Variants in NRSN1 observed in about 807,000 individuals in gnomAD.
NRSN1 encodes the protein neurensin-1.
In NRSN1, 14 loss-of-function variants were observed where a neutral mutation model predicts 17.3. The ratio of observed to expected loss-of-function variants is 0.81; its 90% confidence interval spans 0.54 to 1.27. The LOEUF (loss-of-function observed/expected upper bound fraction) is 1.27. Ranked by LOEUF, NRSN1 falls within the 50% of genes most tolerant of loss-of-function variation. The pLI, the probability that NRSN1 is intolerant of heterozygous loss-of-function variation, is 0.00. For synonymous variants in NRSN1, 79 were observed against 94.2 expected, an observed-to-expected ratio of 0.84 and a Z score of 0.93; for missense variants, 209 against 235.9, an observed-to-expected ratio of 0.89 and a Z score of 0.75.
At chr6:24,135,543 G>A (rs190919837) in intron 3 of NRSN1, among the ~76,000 whole-genome samples, 152 of 152,284 alleles carry the variant, frequency 1.0e-3, no homozygotes, top group African/African-American at 3.5e-3. Flanking sequence ...TTTTTACTTC[G>A]AGAGACATGG....
chr6:24,138,768 T>C (rs552966948), intron 3 of NRSN1, among the ~76,000 whole-genome samples: 11 of 152,176 alleles, frequency 7.2e-5, no homozygotes, highest in South Asian at 2.1e-4. Flanking sequence ...AAGTCCTTGT[T>C]TTTTCCTTCA....
chr6:24,134,553 A>G (rs754919893), intron 3 of NRSN1, 37 bp downstream of exon 3: 1 of 1,553,342 alleles, frequency 6.4e-7, no homozygotes, highest in Non-Finnish European at 8.9e-7. Context: ...AGGGAATGGA[A>G]AAATTATTGG....
In NRSN1 at chr6:24,146,207, C is replaced by G. The variant is rs1760302474; in HGVS notation, c.*261C>G. On this transcript the variant is annotated 3_prime_UTR_variant, in exon 4 of 4. Coordinates refer to ENST00000378491, the MANE Select transcript of NRSN1 (RefSeq NM_080723.5). Reference sequence around the variant, plus strand: ...CGGCCACCAGAAAACCCCTGGAACTCCTCTTTCATAGATCGTGACTTTGTG... The same window carrying G: ...CGGCCACCAGAAAACCCCTGGAACTGCTCTTTCATAGATCGTGACTTTGTG... 1 of 681,722 alleles carries G rather than the reference C, an allele frequency of 1.5e-6. No homozygotes were observed. The allele number at this position is 681,722 out of a possible 1,614,324, so 42.2% of individuals were successfully genotyped here. A position where few individuals can be genotyped will look rare whatever the true frequency, so the allele number is the denominator to read the frequency against.
chr6:24,142,888 A>G (rs942366188), intron 3 of NRSN1, among the ~76,000 whole-genome samples: 1 of 152,154 alleles, frequency 6.6e-6, no homozygotes, highest in Non-Finnish European at 1.5e-5. Context: ...GCGGGTGGCC[A>G]GCTTTTATAT....
chr6:24,132,466 A>G (rs955454254), intron 2 of NRSN1, among the ~76,000 whole-genome samples: 17 of 152,226 alleles, frequency 1.1e-4, no homozygotes, highest in African/African-American at 4.1e-4. Context: ...AACCTGGCTT[A>G]ATAGAAAAAT....
rs751168423 is a variant in NRSN1 at position 24,142,191 on chromosome 6, C to CTTTTTTTTTTTTTTTTTT, written c.190-3351_190-3334dup. On this transcript the variant is annotated intron_variant, in intron 3 of 3. Transcript: ENST00000378491. ...AGCACTTATGTCTTATACAGAACAG[C>CTTTTTTTTTTTTTTTTTT]TTTTTTTTTTTTTTTTTTTTTTTCA... 4.5e-4 allele frequency among the ~76,000 whole-genome samples: 20 copies of CTTTTTTTTTTTTTTTTTT among 44,458 alleles called. 4 individuals are homozygous for CTTTTTTTTTTTTTTTTTT. Among genetic ancestry groups the CTTTTTTTTTTTTTTTTTT allele is most frequent in the Non-Finnish European group, 5.4e-4 (13 of 23,886 alleles). The allele number at this position is 44,458 out of a possible 152,430, so 29.2% of individuals were successfully genotyped here. A position where few individuals can be genotyped will look rare whatever the true frequency, so the allele number is the denominator to read the frequency against.
At chr6:24,134,041 T>TGTGTGTGTGTG (rs1491411832) in intron 2 of NRSN1, among the ~76,000 whole-genome samples, 47 of 151,032 alleles carry the variant, frequency 3.1e-4, no homozygotes, top group South Asian at 1.3e-3. Context: ...TGTGTGTGTG[T>TGTGTGTGTGTG]TTTTAGTAGA....
chr6:24,131,787 A>G (rs1399246622), intron 2 of NRSN1, among the ~76,000 whole-genome samples: 1 of 152,224 alleles, frequency 6.6e-6, no homozygotes, highest in Admixed American at 6.5e-5. Context: ...AAGGTACTGA[A>G]GAGATCGTCC....
intron 3 of NRSN1, chr6:24,140,872 T>C: frequency 1.5e-6 from 2 of 1,292,104 alleles, no homozygotes; most frequent in Non-Finnish European, 2.0e-6. Flanking sequence ...ACCAGCAGAA[T>C]TTCTGGCATA....
At chr6:24,126,887 A>G (rs575548089) in intron 1 of NRSN1, among the ~76,000 whole-genome samples, 2 of 152,268 alleles carry the variant, frequency 1.3e-5, no homozygotes, top group East Asian at 3.9e-4. Flanking sequence ...GGAGGCCTCA[A>G]AGAAAACAGA....
At chr6:24,139,764 A>G (rs1056386873) in intron 3 of NRSN1, among the ~76,000 whole-genome samples, 5 of 152,198 alleles carry the variant, frequency 3.3e-5, no homozygotes, top group African/African-American at 1.2e-4. Context: ...GAGGTCAAGG[A>G]TAGACTCCTG....
At chr6:24,142,820 C>G (rs942484177) in intron 3 of NRSN1, among the ~76,000 whole-genome samples, 1 of 152,080 alleles carries the variant, frequency 6.6e-6, no homozygotes. Flanking sequence ...CTGTGAAGAG[C>G]GAAAGAACAA....
At chr6:24,133,930 G>A (rs573679063) in intron 2 of NRSN1, among the ~76,000 whole-genome samples, 11 of 152,028 alleles carry the variant, frequency 7.2e-5, no homozygotes, top group South Asian at 2.1e-4. Flanking sequence ...CCCACCTCCC[G>A]GGTTCACGCC....
chr6:24,141,710 G>A (rs781702682), intron 3 of NRSN1, among the ~76,000 whole-genome samples: 21 of 152,186 alleles, frequency 1.4e-4, no homozygotes, highest in South Asian at 4.1e-4. Context: ...GTCCAGGAGT[G>A]GATTTTCATC....
At chr6:24,134,890 T>C (rs371073382) in intron 3 of NRSN1, among the ~76,000 whole-genome samples, 2 of 152,286 alleles carry the variant, frequency 1.3e-5, no homozygotes, top group South Asian at 4.2e-4. Flanking sequence ...GCAACAATTA[T>C]TAAAAAGAAA....
intron 2 of NRSN1, among the ~76,000 whole-genome samples, chr6:24,132,688 A>G (rs2113712380): frequency 6.6e-6 from 1 of 152,234 alleles, no homozygotes; most frequent in Middle Eastern, 3.4e-3. Context: ...CCACTTTTTA[A>G]TATTATACTT....
rs1018724118 is a variant in NRSN1 at position 24,146,679 on chromosome 6, A to T, written c.*733A>T. On this transcript the variant is annotated 3_prime_UTR_variant, in exon 4 of 4. Coordinates refer to ENST00000378491, the MANE Select transcript of NRSN1 (RefSeq NM_080723.5). ...GCACCTGCCACCACCCCCAGTTAAT[A>T]TTTTTTTTAATTTTTTTTAGAGGCA... The T allele has an allele frequency of 6.5e-6, 1 of 153,184 alleles. No individual in the cohort carries two copies. The highest frequency in any genetic ancestry group is 2.4e-5 in the African/African-American group (1 of 41,264). 9.5% of individuals were successfully genotyped at this position (153,184 alleles called of 1,614,324 possible).
At position 24,146,941 on chromosome 6, in the gene NRSN1, C is replaced by G. The variant is rs536453320; in HGVS notation, c.*995C>G. 1 of 152,102 alleles carries G rather than the reference C, an allele frequency of 6.6e-6. No homozygotes were observed. The allele number at this position is 152,102 out of a possible 1,614,324, so 9.4% of individuals were successfully genotyped here. On this transcript the variant is annotated 3_prime_UTR_variant, in exon 4 of 4. Coordinates refer to ENST00000378491, the MANE Select transcript of NRSN1 (RefSeq NM_080723.5). ...TTCTGGATCACAATATGTCTGGGCT[C>G]TCATTACCCAAACATCTGAGATTCC...
rs1340162099 is a variant in NRSN1, at chr6:24,145,052, A to G, written c.190-496A>G. 8.2e-6 allele frequency among the ~76,000 whole-genome samples: 1 copy of G among 121,748 alleles called. No individual in the cohort carries two copies. The highest frequency in any genetic ancestry group is 1.9e-5 in the Non-Finnish European group (1 of 53,788). 79.9% of individuals were successfully genotyped at this position (121,748 alleles called of 152,430 possible). On this transcript the variant is annotated intron_variant, in intron 3 of 3. Coordinates refer to ENST00000378491, the MANE Select transcript of NRSN1 (RefSeq NM_080723.5). This position sits in a 1 kb window ranked among gnomAD's most constrained non-coding sequence, Gnocchi z 4.4. The stretch of plus-strand genomic sequence containing the variant: ...TTTAGATATATGATATATATTATAT[A>G]TAATATATATCTTTAGGTATATAAT...
Sources: allele counts gnomAD v4.1 joint callset (sites outside exome capture counted in the v4.1 genomes callset), GRCh38; gene constraint gnomAD v4.1.1; non-coding constraint Gnocchi (gnomAD v3.1); transcripts MANE v1.5; gene names NCBI Gene and HGNC (gene_info 2026-07-23, HGNC 2026-07-21).